The following GBF1 variants were observed in gnomAD, a reference collection of about 807,000 sequenced individuals.
The protein encoded by GBF1 is Golgi-specific brefeldin A-resistance guanine nucleotide exchange factor 1.
Under a neutral mutation model 210.5 loss-of-function variants are expected in GBF1, and 114 were observed. That is an observed-to-expected ratio of 0.54 (90% confidence interval 0.47 to 0.63). The LOEUF is 0.63. GBF1 is among the 30% of genes least tolerant of loss of function. GBF1 has a pLI of 0.00. For missense variants in GBF1, 1,851 were observed against 2,357.7 expected (o/e 0.79, Z 4.45); for synonymous variants, 850 against 889.2 (o/e 0.96, Z 0.78).
chr10:102,285,314 G>A (rs988076980), intron 3 of GBF1, among the ~76,000 whole-genome samples: 6 of 152,200 alleles, frequency 3.9e-5, no homozygotes, highest in Non-Finnish European at 8.8e-5. Context: ...AGGTAGCTCA[G>A]TTTGCTTACA....
chr10:102,351,696 G>A (rs1274834474), intron 5 of GBF1, 147 bp from the exon 6 acceptor site: 2 of 628,338 alleles, frequency 3.2e-6, no homozygotes, highest in African/African-American at 3.7e-5. Context: ...GTCATAAAAA[G>A]TGAAGAAACA....
chr10:102,342,392 CACACACACACACACACTCACACACAG>C (rs2058256476), intron 3 of GBF1, among the ~76,000 whole-genome samples: 1 of 148,380 alleles, frequency 6.7e-6, no homozygotes, highest in Non-Finnish European at 1.5e-5. Context: ...CACACACGCA[CACACACACACACACACTCACACACAG>C]ACACACACAC....
At chr10:102,242,821 G>T (rs989063490), upstream of GBF1, among the ~76,000 whole-genome samples, 8 of 151,782 alleles carry the variant, frequency 5.3e-5, no homozygotes, top group Admixed American at 3.9e-4. Flanking sequence ...CTCAGCTACT[G>T]GGGAGGCTGA....
In GBF1 at chr10:102,379,966, C is replaced by T. The variant is rs759171721; in HGVS notation, c.4878+12C>T. The T allele has an allele frequency of 2.0e-6, 3 of 1,517,294 alleles. No individual in the cohort carries two copies. Among genetic ancestry groups the T allele is most frequent in the South Asian group, 2.3e-5 (2 of 87,994 alleles). The allele number at this position is 1,517,294 out of a possible 1,614,324, so 94.0% of individuals were successfully genotyped here. A position where few individuals can be genotyped will look rare whatever the true frequency, so the allele number is the denominator to read the frequency against. ...CATTGCTCTCTAAGGTACTGCTCAC[C>T]ACCCTATACCCACCCTCTCTCCCAT... On this transcript the variant is annotated intron_variant, in intron 36 of 39. Transcript: ENST00000369983.
chr10:102,272,855 T>C (rs748193449), intron 3 of GBF1, among the ~76,000 whole-genome samples: 3 of 152,196 alleles, frequency 2.0e-5, no homozygotes, highest in Non-Finnish European at 2.9e-5. Flanking sequence ...GAGTATTTTT[T>C]AGTGTTTTAC....
Position 102,357,963 on chromosome 10 carries a change from G to C in GBF1, c.640-76G>C, listed in dbSNP as rs868252086. ...ATAGCTTGTTTTCTAGAGATCAGTAGGACTAAATGAAGGGAGATTAATAGG... is the reference window on the plus strand; with the variant it reads ...ATAGCTTGTTTTCTAGAGATCAGTACGACTAAATGAAGGGAGATTAATAGG... On this transcript the variant is annotated intron_variant, in intron 8 of 39. Coordinates refer to ENST00000369983, the MANE Select transcript of GBF1 (RefSeq NM_001377137.1). 16 of 977,722 alleles carry C rather than the reference G, an allele frequency of 1.6e-5. No individual in the cohort carries two copies. The Middle Eastern group carries it at 1.5e-3, about 94-fold the overall frequency. The allele number at this position is 977,722 out of a possible 1,614,324, so 60.6% of individuals were successfully genotyped here.
At chr10:102,257,214 A>G (rs1007252446) in intron 1 of GBF1, among the ~76,000 whole-genome samples, 1 of 152,210 alleles carries the variant, frequency 6.6e-6, no homozygotes, top group Non-Finnish European at 1.5e-5. Context: ...GTCAGTTAAT[A>G]TGAGTTTTCA....
intron 3 of GBF1, among the ~76,000 whole-genome samples, chr10:102,311,331 A>G: frequency 6.6e-6 from 1 of 152,230 alleles, no homozygotes; most frequent in Non-Finnish European, 1.5e-5. Flanking sequence ...CTGTGAAGAA[A>G]GGGCTTTATA....
intron 3 of GBF1, among the ~76,000 whole-genome samples, chr10:102,313,269 CAT>C (rs1333796769): frequency 1.3e-5 from 2 of 152,174 alleles, no homozygotes; most frequent in Non-Finnish European, 1.5e-5. Context: ...TCTGAGTACA[CAT>C]GAGTCGGTAC....
intron 3 of GBF1, among the ~76,000 whole-genome samples, chr10:102,307,953 T>C (rs1359817179): frequency 6.6e-6 from 1 of 152,026 alleles, no homozygotes; most frequent in Non-Finnish European, 1.5e-5. Flanking sequence ...CACCATAGAA[T>C]ACTACTACAC....
chr10:102,322,720 A>C (rs1209744127), intron 3 of GBF1, among the ~76,000 whole-genome samples: 1 of 2,258 alleles, frequency 4.4e-4, no homozygotes, highest in Admixed American at 5.3e-3. Flanking sequence ...CATCTCTACA[A>C]AAAAAAAAAA....
At chr10:102,230,682 CGCGGCGGCGGCG>C in the GBF1 span, 1 of 1,578,618 alleles carries the variant, frequency 6.3e-7, no homozygotes, top group Non-Finnish European at 8.6e-7. Context: ...AGGCGGCAGC[CGCGGCGGCGGCG>C]GCGGCCGAGG....
At chr10:102,243,458 G>A (rs1645037271), upstream of GBF1, among the ~76,000 whole-genome samples, 1 of 152,188 alleles carries the variant, frequency 6.6e-6, no homozygotes, top group South Asian at 2.1e-4. Flanking sequence ...GGAGGGACTA[G>A]GGAATTGTCA....
intron 29 of GBF1, among the ~76,000 whole-genome samples, chr10:102,373,104 A>G (rs1316239479): frequency 6.6e-6 from 1 of 152,238 alleles, no homozygotes; most frequent in Non-Finnish European, 1.5e-5. Flanking sequence ...AATATTTGCA[A>G]ATCACATATT....
chr10:102,283,446 G>A (rs2075683617), intron 3 of GBF1, among the ~76,000 whole-genome samples: 1 of 152,186 alleles, frequency 6.6e-6, no homozygotes, highest in African/African-American at 2.4e-5. Flanking sequence ...TGCAAATATT[G>A]TGTATCTTCA....
chr10:102,362,748 T>G, intron 15 of GBF1, 84 bp downstream of exon 15: 2 of 1,018,788 alleles, frequency 2.0e-6, no homozygotes. Flanking sequence ...CCTGTCCCCA[T>G]ATCACTTCCC....
chr10:102,369,498 C>A, intron 24 of GBF1, 111 bp downstream of exon 24: 1 of 909,028 alleles, frequency 1.1e-6, no homozygotes, highest in Non-Finnish European at 1.7e-6. Flanking sequence ...CTGATGCCTG[C>A]CACAGCTCAC....
At chr10:102,342,149 G>T (rs1274854341) in intron 3 of GBF1, among the ~76,000 whole-genome samples, 2 of 150,236 alleles carry the variant, frequency 1.3e-5, no homozygotes, top group African/African-American at 4.9e-5. Flanking sequence ...CCATTCTCCT[G>T]CCTCAGCCTC....
chr10:102,343,443 A>G (rs1565134180), intron 3 of GBF1, among the ~76,000 whole-genome samples: 1 of 152,222 alleles, frequency 6.6e-6, no homozygotes, highest in Non-Finnish European at 1.5e-5. Flanking sequence ...ATATTGAAAA[A>G]TTATTGTTAA....
Sources: gnomAD v4.1 joint callset for allele counts (sites outside exome capture counted in the v4.1 genomes callset) on GRCh38, gnomAD v4.1.1 for gene constraint, MANE v1.5 for transcripts, NCBI Gene and HGNC (gene_info 2026-07-23, HGNC 2026-07-21) for gene names.